Variants in NLRP11 observed in about 807,000 individuals in gnomAD.
The protein encoded by NLRP11 is NLR family pyrin domain containing 11, also known as NACHT, LRR and PYD domains-containing protein 11.
A neutral mutation model predicts 79.3 loss-of-function variants in NLRP11; 53 were observed. That is an observed-to-expected ratio of 0.67 (90% confidence interval 0.54 to 0.84). NLRP11 has a LOEUF of 0.84. Ranked by LOEUF, NLRP11 falls within the 40% of genes least tolerant of loss-of-function variation. NLRP11 has a pLI of 0.00. For synonymous variants in NLRP11, 518 were observed against 462.6 expected (o/e 1.12, Z -1.54); for missense variants, 1,264 against 1,255.0 (o/e 1.01, Z -0.11).
At chr19:55,803,371 C>T (rs1979668431) in intron 4 of NLRP11, among the ~76,000 whole-genome samples, 1 of 152,154 alleles carries the variant, frequency 6.6e-6, no homozygotes, top group South Asian at 2.1e-4. Flanking sequence ...AAAACAAAAA[C>T]TAGGCAATAC....
intron 9 of NLRP11, among the ~76,000 whole-genome samples, chr19:55,788,467 G>A (rs1313186386): frequency 2.0e-5 from 3 of 150,558 alleles, no homozygotes; most frequent in Non-Finnish European, 4.4e-5. Flanking sequence ...ACAGCCAGGC[G>A]CGGTGGCTCA....
intron 4 of NLRP11, among the ~76,000 whole-genome samples, chr19:55,805,746 G>A (rs1286598324): frequency 1.3e-5 from 2 of 151,970 alleles, no homozygotes; most frequent in South Asian, 2.1e-4. Context: ...CACCATGTTG[G>A]CCAGGCTGGT....
chr19:55,820,946 C>T (rs1473811214), intron 1 of NLRP11, among the ~76,000 whole-genome samples: 1 of 152,080 alleles, frequency 6.6e-6, no homozygotes, highest in African/African-American at 2.4e-5. Flanking sequence ...CTACATTGGC[C>T]GTTGGCTAGC....
exon 8 of NLRP11, chr19:55,789,257 G>A: frequency 6.2e-7 from 1 of 1,613,576 alleles, no homozygotes; most frequent in Non-Finnish European, 8.5e-7. Context: ...CAGTTGGGAT[G>A]TCTCAAACCA....
upstream of NLRP11, among the ~76,000 whole-genome samples, chr19:55,833,625 A>T (rs971734898): frequency 2.6e-5 from 4 of 151,660 alleles, no homozygotes; most frequent in African/African-American, 9.7e-5. Flanking sequence ...AAATTTAGCC[A>T]GGTGTGGTGG....
At chr19:55,817,378 A>C (rs549327692) in intron 2 of NLRP11, among the ~76,000 whole-genome samples, 1 of 152,180 alleles carries the variant, frequency 6.6e-6, no homozygotes, top group Non-Finnish European at 1.5e-5. Flanking sequence ...ACACACATTT[A>C]TAGTGGCACA....
intron 4 of NLRP11, among the ~76,000 whole-genome samples, chr19:55,804,181 C>T (rs892231815): frequency 3.9e-5 from 6 of 152,114 alleles, no homozygotes; most frequent in Non-Finnish European, 7.3e-5. Context: ...TAAATTAATT[C>T]GACCATTGCG....
At chr19:55,821,246 CA>C (rs1469556167) in intron 1 of NLRP11, among the ~76,000 whole-genome samples, 122 of 120,182 alleles carry the variant, frequency 1.0e-3, no homozygotes, top group African/African-American at 3.3e-3. Context: ...CACACACACA[CA>C]CACCCCAAGC....
upstream of NLRP11, among the ~76,000 whole-genome samples, chr19:55,835,830 A>C (rs946260899): frequency 1.4e-5 from 2 of 147,544 alleles, no homozygotes; most frequent in Non-Finnish European, 3.0e-5. Flanking sequence ...TGAAAATACA[A>C]AAATTAGCCG....
chr19:55,812,103 C>T (rs1198844698), intron 2 of NLRP11, among the ~76,000 whole-genome samples: 1 of 151,498 alleles, frequency 6.6e-6, no homozygotes, highest in Admixed American at 6.6e-5. Context: ...GTATGCATAA[C>T]TATTTGTCAA....
chr19:55,806,982 C>G (rs1250900304), intron 4 of NLRP11, among the ~76,000 whole-genome samples: 2 of 152,168 alleles, frequency 1.3e-5, no homozygotes, highest in South Asian at 2.1e-4. Context: ...TCCCACACCC[C>G]TAAATACCCA....
rs761410210 is a variant in NLRP11, at chr19:55,809,016, A to G, written c.1594T>C (p.Leu532=). The G allele has an allele frequency of 6.2e-7, 1 of 1,614,082 alleles. No individual in the cohort carries two copies. The highest frequency in any genetic ancestry group is 1.7e-5 in the Admixed American group (1 of 60,006). Reference sequence around the variant, plus strand: ...GTCAACTTTTCCGGGTCACGGTCCAAATGTTTCATGTATCCCACCGAGTAC... The same window carrying G: ...GTCAACTTTTCCGGGTCACGGTCCAGATGTTTCATGTATCCCACCGAGTAC... The change falls in exon 3 of 10, where the codon TTG becomes CTG. Residue 532 remains leucine (L), a synonymous_variant. Transcript: ENST00000589093. This position sits in a 1 kb window ranked among gnomAD's most constrained non-coding sequence, Gnocchi z 4.5.
intron 6 of NLRP11, among the ~76,000 whole-genome samples, chr19:55,793,556 C>CAAAAAAAAA (rs59605427): frequency 8.4e-5 from 3 of 35,692 alleles, no homozygotes; most frequent in African/African-American, 1.2e-4. Flanking sequence ...TGACTGTCTC[C>CAAAAAAAAA]AAAAAAAAAA....
intron 5 of NLRP11, among the ~76,000 whole-genome samples, chr19:55,797,513 T>C (rs1432745573): frequency 6.6e-6 from 1 of 152,190 alleles, no homozygotes; most frequent in Admixed American, 6.5e-5. Flanking sequence ...AGAAATACGA[T>C]GGAATTCTAG....
At chr19:55,814,537 G>A (rs907164879) in intron 2 of NLRP11, among the ~76,000 whole-genome samples, 2 of 151,752 alleles carry the variant, frequency 1.3e-5, no homozygotes, top group African/African-American at 4.8e-5. Context: ...ATAAGCTTGA[G>A]CTAGATAAGA....
intron 3 of NLRP11, 64 bp downstream of exon 3, chr19:55,808,705 A>T: frequency 6.8e-7 from 1 of 1,464,942 alleles, no homozygotes; most frequent in Non-Finnish European, 9.2e-7. Flanking sequence ...CTGGTCAACA[A>T]GCTCTAGAAT....
At chr19:55,793,692 C>A (rs1041727736) in intron 6 of NLRP11, among the ~76,000 whole-genome samples, 1 of 152,008 alleles carries the variant, frequency 6.6e-6, no homozygotes, top group Non-Finnish European at 1.5e-5. Flanking sequence ...CCTGGCCCCT[C>A]CCTGCTTTTG....
At chr19:55,808,109 T>G in intron 3 of NLRP11, 95 bp from the exon 4 acceptor site, 1 of 797,570 alleles carries the variant, frequency 1.3e-6, no homozygotes, top group Non-Finnish European at 2.0e-6. Context: ...AGAGTGCCTG[T>G]TGTCTGACTC....
intron 1 of NLRP11, among the ~76,000 whole-genome samples, chr19:55,830,952 C>A (rs1982700781): frequency 1.3e-5 from 2 of 152,148 alleles, no homozygotes; most frequent in Non-Finnish European, 1.5e-5. Flanking sequence ...TCAAAAACCC[C>A]AGTGTCCCGA....
Sources: allele counts gnomAD v4.1 joint callset (sites outside exome capture counted in the v4.1 genomes callset), GRCh38; gene constraint gnomAD v4.1.1; non-coding constraint Gnocchi (gnomAD v3.1); transcripts MANE v1.5; gene names NCBI Gene and HGNC (gene_info 2026-07-23, HGNC 2026-07-21).